DMD: variants seen among roughly 807,000 people sequenced by gnomAD.
DMD encodes mutant dystrophin.
A neutral mutation model predicts 330.1 loss-of-function variants in DMD; 63 were observed. The ratio of observed to expected loss-of-function variants is 0.19; its 90% CI spans 0.16 to 0.24. DMD has a LOEUF of 0.24. Among genes scored for constraint, DMD ranks in the 10% least tolerant of loss-of-function variants. The probability of loss-of-function intolerance (pLI) is 1.00; values close to 1 mark genes in which losing one functional copy is unlikely to be tolerated. For missense variants in DMD, 3,344 were observed against 2,684.1 expected (o/e 1.25, Z -5.43); for synonymous variants, 1,223 against 959.8 (o/e 1.27, Z -5.07).
chrX:32,147,899 A>G (rs1369750658), intron 44 of DMD, among the ~76,000 whole-genome samples: 2 of 91,052 alleles, frequency 2.2e-5, no homozygotes, highest in African/African-American at 4.2e-5. Context: ...TTTTTTTGAG[A>G]TGGAGTCTCG....
chrX:32,757,947 CAGG>C (rs1220730003), intron 7 of DMD, among the ~76,000 whole-genome samples: 2 of 111,215 alleles, frequency 1.8e-5, no homozygotes, highest in Non-Finnish European at 1.9e-5. Context: ...GCTCTAGCAA[CAGG>C]AGGAGGAGGA....
At position 32,645,082 on chromosome X, in the gene DMD, T is replaced by A; in HGVS notation, c.1031A>T (p.Tyr344Phe). 8.3e-7 allele frequency: 1 copy of A among 1,211,781 alleles called. No individual in the cohort carries two copies. The highest frequency in any genetic ancestry group is 1.7e-5 in the African/African-American group (1 of 57,816). Reference sequence around the variant, plus strand: ...TAATACTTCTTCTAAAGCTGTTTGATAACGGTCCAGGTTTACTTCACTCTC... The same window carrying A: ...TAATACTTCTTCTAAAGCTGTTTGAAAACGGTCCAGGTTTACTTCACTCTC... ...LMESEVNLDR[Y>F]QTALEEVLSW... The change falls in exon 10 of 79, where the codon TAT (tyrosine) becomes TTT (phenylalanine). Residue 344 changes from tyrosine (Y) to phenylalanine (F), a missense_variant. Tyr to Phe is a conservative substitution (Grantham distance 22, BLOSUM62 3). Coordinates refer to ENST00000357033, the MANE Select transcript of DMD (RefSeq NM_004006.3).
At chrX:32,804,581 T>C (rs1468333820) in intron 7 of DMD, among the ~76,000 whole-genome samples, 1 of 112,606 alleles carries the variant, frequency 8.9e-6, no homozygotes, top group Non-Finnish European at 1.9e-5. Context: ...CTGCCGGCTC[T>C]GAAGAGAGCA....
chrX:32,675,259 C>G (rs902882458), intron 9 of DMD, among the ~76,000 whole-genome samples: 3 of 111,131 alleles, frequency 2.7e-5, no homozygotes, highest in Admixed American at 9.6e-5. Context: ...ACCATTTTTT[C>G]ACAGGCTTGC....
chrX:32,798,855 A>G (rs753828243), intron 7 of DMD, among the ~76,000 whole-genome samples: 2 of 111,487 alleles, frequency 1.8e-5, no homozygotes, highest in Non-Finnish European at 3.8e-5. Flanking sequence ...ATTTATTTAA[A>G]TTAACTCTAA....
At chrX:33,113,352 C>A (rs369219809) in intron 1 of DMD, among the ~76,000 whole-genome samples, 1 of 111,251 alleles carries the variant, frequency 9.0e-6, no homozygotes, top group African/African-American at 3.3e-5. Context: ...CCACCGTGCC[C>A]GGCCTCAACA....
At chrX:32,109,133 TA>T (rs764827110) in intron 44 of DMD, among the ~76,000 whole-genome samples, 1 of 111,933 alleles carries the variant, frequency 8.9e-6, no homozygotes, top group East Asian at 2.8e-4. Flanking sequence ...ATTTACTTGT[TA>T]GCTAAAATTT....
intron 45 of DMD, among the ~76,000 whole-genome samples, chrX:31,951,147 ATATATATATATG>A (rs1224190044): frequency 1.3e-5 from 1 of 74,487 alleles, no homozygotes; most frequent in South Asian, 5.1e-4. Context: ...ATATGTGTAT[ATATATATATATG>A]TATATATATA....
At chrX:31,517,060 T>A (rs747410889) in intron 55 of DMD, among the ~76,000 whole-genome samples, 1 of 111,747 alleles carries the variant, frequency 8.9e-6, no homozygotes, top group Non-Finnish European at 1.9e-5. Context: ...ATGAGAGGTA[T>A]CTTTCTCATC....
chrX:31,612,460 G>A (rs1202913990), intron 55 of DMD, among the ~76,000 whole-genome samples: 1 of 111,656 alleles, frequency 9.0e-6, no homozygotes, highest in East Asian at 2.8e-4. Flanking sequence ...AGAGCCTGGA[G>A]GCCGGCATAG....
At chrX:31,942,877 C>T (rs897464824) in intron 45 of DMD, among the ~76,000 whole-genome samples, 15 of 111,897 alleles carry the variant, frequency 1.3e-4, no homozygotes, top group Admixed American at 8.6e-4. Context: ...TTGTATATCT[C>T]CAAGTAATAA....
At chrX:32,400,047 G>T (rs776674816) in intron 30 of DMD, among the ~76,000 whole-genome samples, 214 of 111,330 alleles carry the variant, frequency 1.9e-3, no homozygotes, top group African/African-American at 6.7e-3. Context: ...GTTTTCAAAG[G>T]GAATGCTTCC....
At chrX:31,405,555 CA>C (rs1352518968) in intron 60 of DMD, among the ~76,000 whole-genome samples, 1 of 109,195 alleles carries the variant, frequency 9.2e-6, no homozygotes, top group South Asian at 3.9e-4. Flanking sequence ...CTATAATTGA[CA>C]AAAAAAAGCG....
intron 1 of DMD, among the ~76,000 whole-genome samples, chrX:33,197,059 G>A (rs1569558133): frequency 1.8e-5 from 2 of 111,241 alleles, no homozygotes; most frequent in Non-Finnish European, 3.8e-5. Flanking sequence ...AATCAGTGAT[G>A]CACGTTCCCA....
intron 2 of DMD, among the ~76,000 whole-genome samples, chrX:32,896,537 A>G (rs1187720834): frequency 8.9e-6 from 1 of 112,026 alleles, no homozygotes; most frequent in Non-Finnish European, 1.9e-5. Flanking sequence ...CCTAAAAGAC[A>G]CACTACTGAT....
chrX:31,348,001 G>T (rs1248484212), intron 61 of DMD, among the ~76,000 whole-genome samples: 3 of 111,521 alleles, frequency 2.7e-5, no homozygotes, highest in Non-Finnish European at 5.7e-5. Context: ...ATACCTGTTG[G>T]CCATTTGTAT....
chrX:32,104,375 A>T (rs1265716484), intron 44 of DMD, among the ~76,000 whole-genome samples: 2 of 111,399 alleles, frequency 1.8e-5, no homozygotes, highest in Non-Finnish European at 3.8e-5. Flanking sequence ...AAAACTAGAG[A>T]GGTAAAGCAA....
intron 43 of DMD, among the ~76,000 whole-genome samples, chrX:32,252,705 T>A (rs1167276560): frequency 1.6e-4 from 6 of 38,353 alleles, no homozygotes; most frequent in African/African-American, 5.7e-4. Context: ...TAAATATATA[T>A]AAATATATAA....
intron 43 of DMD, among the ~76,000 whole-genome samples, chrX:32,252,725 A>AAT (rs1210221382): frequency 5.8e-4 from 21 of 36,417 alleles, no homozygotes; most frequent in African/African-American, 2.0e-3. Flanking sequence ...AATATATATA[A>AAT]ATATATAAAT....
Sources: allele counts gnomAD v4.1 joint callset (sites outside exome capture counted in the v4.1 genomes callset), GRCh38; gene constraint gnomAD v4.1.1; transcripts MANE v1.5; gene names NCBI Gene and HGNC (gene_info 2026-07-23, HGNC 2026-07-21).